The following ACOT12 variants were observed in gnomAD, a reference collection of about 807,000 sequenced individuals.
The protein encoded by ACOT12 is acetyl-coenzyme A thioesterase.
ACOT12 carries 51 observed loss-of-function variants against 67.7 expected under a neutral mutation model. The observed-to-expected ratio is 0.75, with a 90% CI of 0.60 to 0.95. The LOEUF (loss-of-function observed/expected upper bound fraction) is 0.95. Ranked by LOEUF, ACOT12 falls within the 40% of genes least tolerant of loss-of-function variation. The pLI is 0.00. For missense variants in ACOT12, 734 were observed against 708.1 expected (o/e 1.04, Z -0.41); for synonymous variants, 251 against 244.6 (o/e 1.03, Z -0.24).
At chr5:81,370,421 T>G (rs1247669769) in intron 3 of ACOT12, among the ~76,000 whole-genome samples, 7 of 152,198 alleles carry the variant, frequency 4.6e-5, no homozygotes, top group Admixed American at 3.9e-4. Flanking sequence ...TACCTTAGAA[T>G]GTAAATGTGG....
chr5:81,350,160 C>T (rs1759509815), intron 5 of ACOT12, among the ~76,000 whole-genome samples: 1 of 152,126 alleles, frequency 6.6e-6, no homozygotes, highest in Admixed American at 6.5e-5. Context: ...TCCTAACCTC[C>T]CTTACATGTT....
intron 3 of ACOT12, among the ~76,000 whole-genome samples, chr5:81,367,271 C>A (rs1235065051): frequency 6.6e-6 from 1 of 152,040 alleles, no homozygotes; most frequent in Admixed American, 6.6e-5. Context: ...CCAGAAATGG[C>A]AAATATGTGG....
At chr5:81,349,072 C>T (rs969106027) in intron 5 of ACOT12, among the ~76,000 whole-genome samples, 4 of 152,160 alleles carry the variant, frequency 2.6e-5, no homozygotes, top group Non-Finnish European at 4.4e-5. Context: ...GGGACACCAT[C>T]GTGGCTGTAC....
At chr5:81,390,912 A>C (rs1254364309) in intron 1 of ACOT12, among the ~76,000 whole-genome samples, 1 of 152,238 alleles carries the variant, frequency 6.6e-6, no homozygotes, top group Non-Finnish European at 1.5e-5. Context: ...TTCTCTTAAG[A>C]ATAAATCATG....
At chr5:81,389,900 ATTATGT>A (rs1760819610) in intron 1 of ACOT12, among the ~76,000 whole-genome samples, 1 of 149,968 alleles carries the variant, frequency 6.7e-6, no homozygotes, top group African/African-American at 2.5e-5. Flanking sequence ...TGGAACTCTA[ATTATGT>A]TTATGTTTTA....
intron 2 of ACOT12, 44 bp from the exon 3 acceptor site, chr5:81,371,854 T>G (rs777250032): frequency 6.5e-7 from 1 of 1,544,542 alleles, no homozygotes; most frequent in Non-Finnish European, 8.9e-7. Flanking sequence ...TTTAGCACAT[T>G]TCATTTCAGA....
intron 12 of ACOT12, among the ~76,000 whole-genome samples, chr5:81,333,783 G>A (rs1373354613): frequency 1.3e-5 from 2 of 152,154 alleles, no homozygotes; most frequent in Non-Finnish European, 1.5e-5. Context: ...AGGTGGGCAG[G>A]GAAATGTTGG....
downstream of ACOT12, among the ~76,000 whole-genome samples, chr5:81,326,785 C>G (rs541120363): frequency 4.1e-4 from 63 of 152,288 alleles, 1 homozygote; most frequent in South Asian, 0.013. Context: ...GTCTATGGGA[C>G]TAGCTACAGA....
chr5:81,308,712 G>T, the ACOT12 span: 2 of 1,601,442 alleles, frequency 1.2e-6, no homozygotes, highest in Non-Finnish European at 1.7e-6. Flanking sequence ...CCGGCTCTTG[G>T]TATGTGTTTC....
chr5:81,334,628 A>T (rs567817876), intron 12 of ACOT12, among the ~76,000 whole-genome samples: 42 of 152,366 alleles, frequency 2.8e-4, no homozygotes, highest in African/African-American at 9.4e-4. Context: ...CTAAATCTCT[A>T]TCACAGTGAG....
intron 1 of ACOT12, among the ~76,000 whole-genome samples, chr5:81,391,256 A>G (rs1760857213): frequency 6.6e-6 from 1 of 152,166 alleles, no homozygotes; most frequent in Admixed American, 6.5e-5. Flanking sequence ...TTTGTATTTC[A>G]TTCAGTAGCT....
At chr5:81,361,369 A>G (rs1001648508) in intron 4 of ACOT12, among the ~76,000 whole-genome samples, 10 of 151,522 alleles carry the variant, frequency 6.6e-5, no homozygotes, top group Non-Finnish European at 8.8e-5. Context: ...TAATTTTTTT[A>G]TATTTATTTT....
intron 3 of ACOT12, among the ~76,000 whole-genome samples, chr5:81,367,097 A>G (rs922196726): frequency 3.9e-5 from 6 of 152,204 alleles, no homozygotes; most frequent in African/African-American, 1.4e-4. Context: ...CTAGAATTCT[A>G]TACCTACTGA....
At chr5:81,311,217 G>A in the ACOT12 span, 6 of 1,614,066 alleles carry the variant, frequency 3.7e-6, no homozygotes, top group Non-Finnish European at 4.2e-6. Flanking sequence ...ATAGGTGGCG[G>A]TTGCAAACTT....
At chr5:81,311,157 TA>T in the ACOT12 span, 1 of 1,597,644 alleles carries the variant, frequency 6.3e-7, no homozygotes, top group Non-Finnish European at 8.6e-7. Flanking sequence ...TTTGAGATGT[TA>T]AAAACCCCTT....
the ACOT12 span, chr5:81,311,116 G>T: frequency 8.1e-7 from 1 of 1,241,172 alleles, no homozygotes; most frequent in Non-Finnish European, 1.2e-6. Context: ...AACTGACAGG[G>T]TTGTGAGGAT....
intron 1 of ACOT12, among the ~76,000 whole-genome samples, chr5:81,391,321 T>C (rs1760859239): frequency 6.6e-6 from 1 of 152,226 alleles, no homozygotes; most frequent in South Asian, 2.1e-4. Context: ...CCTGTGGGTT[T>C]TCCATCAGAA....
chr5:81,351,052 TGAGATGTGTTTGCAAA>T (rs1759538190), intron 5 of ACOT12, among the ~76,000 whole-genome samples: 1 of 152,246 alleles, frequency 6.6e-6, no homozygotes, highest in African/African-American at 2.4e-5. Flanking sequence ...TTCTGCCTGC[TGAGATGTGTTTGCAAA>T]GATGTTTGTA....
At chr5:81,328,934 G>A (rs1037068637), downstream of ACOT12, among the ~76,000 whole-genome samples, 1 of 152,136 alleles carries the variant, frequency 6.6e-6, no homozygotes, top group Non-Finnish European at 1.5e-5. Flanking sequence ...TACTTGAAAT[G>A]GGGCTAGTAT....
Sources: allele counts gnomAD v4.1 joint callset (sites outside exome capture counted in the v4.1 genomes callset), GRCh38; gene constraint gnomAD v4.1.1; transcripts MANE v1.5; gene names NCBI Gene and HGNC (gene_info 2026-07-23, HGNC 2026-07-21).